Variants in KDM5A observed in about 807,000 individuals in gnomAD.
KDM5A encodes the protein lysine-specific demethylase 5A.
In KDM5A, 42 loss-of-function variants were observed where a neutral mutation model predicts 193.5. The ratio of observed to expected loss-of-function variants is 0.22; its 90% CI spans 0.17 to 0.28. KDM5A has a LOEUF of 0.28. Ranked by LOEUF, KDM5A falls within the 10% of genes least tolerant of loss-of-function variation. The pLI is 1.00. For synonymous variants in KDM5A, 796 were observed against 718.1 expected (o/e 1.11, Z -1.73); for missense variants, 1,692 against 2,055.1 (o/e 0.82, Z 3.42).
intron 19 of KDM5A, among the ~76,000 whole-genome samples, chr12:317,848 C>T (rs1192434920): frequency 6.6e-6 from 1 of 152,206 alleles, no homozygotes; most frequent in African/African-American, 2.4e-5. Context: ...TGACCTGCAC[C>T]TCTCCGGGAG....
chr12:282,400 G>A lies in KDM5A; in HGVS notation c.*3056C>T. ...TGCAATAATTTATAATTTTACTGAG[G>A]CACAAATTTGAATCATGCAGGCAAA... On this transcript the variant is annotated 3_prime_UTR_variant, in exon 28 of 28. Transcript: ENST00000399788. The A allele has an allele frequency of 4.3e-6, 1 of 233,214 alleles. No individual in the cohort carries two copies. The highest frequency in any genetic ancestry group is 8.5e-6 in the Non-Finnish European group (1 of 118,024). The allele number at this position is 233,214 out of a possible 1,614,324, so 14.4% of individuals were successfully genotyped here.
intron 13 of KDM5A, 90 bp downstream of exon 13, chr12:331,729 G>A: frequency 1.4e-6 from 2 of 1,468,798 alleles, no homozygotes; most frequent in Non-Finnish European, 1.9e-6. Flanking sequence ...ACCCGACCCT[G>A]AGCCCAGCTA....
At chr12:312,947 G>C (rs1943607011) in intron 20 of KDM5A, 109 bp downstream of exon 20, 3 of 1,205,696 alleles carry the variant, frequency 2.5e-6, no homozygotes, top group Non-Finnish European at 3.7e-6. Flanking sequence ...ATCTAAGTTA[G>C]GGATCGTTTG....
Position 354,006 on chromosome 12 carries a change from T to G in KDM5A, c.1029+70A>C, listed in dbSNP as rs1944197015. ...AAGGAAACATATTTGGGAATATGTT[T>G]ATATGTAGGTGTATATGCATGTATT... On this transcript the variant is annotated intron_variant, in intron 8 of 27. Coordinates refer to ENST00000399788, the MANE Select transcript of KDM5A (RefSeq NM_001042603.3). 3 of 1,114,258 alleles carry G rather than the reference T, an allele frequency of 2.7e-6. No homozygotes were observed. In the South Asian group the frequency reaches 3.8e-5, roughly 14 times the overall value. The allele number at this position is 1,114,258 out of a possible 1,614,324, so 69.0% of individuals were successfully genotyped here.
chr12:351,487 C>G (rs1944158560), intron 9 of KDM5A, among the ~76,000 whole-genome samples: 1 of 152,066 alleles, frequency 6.6e-6, no homozygotes, highest in Non-Finnish European at 1.5e-5. Flanking sequence ...GGTTTCAAGT[C>G]TTTAAAGCAA....
chr12:293,218 A>G, intron 26 of KDM5A, 49 bp from the exon 27 acceptor site: 1 of 1,506,152 alleles, frequency 6.6e-7, no homozygotes, highest in South Asian at 1.1e-5. Flanking sequence ...ACAGTTAAAA[A>G]ACAGTATTAC....
In KDM5A at chr12:318,395, C is replaced by A; in HGVS notation, c.2608G>T (p.Asp870Tyr). Residue 870 changes from aspartate (D) to tyrosine (Y), a missense_variant, in exon 19 of 28, where the codon GAT becomes TAT. Physicochemically the swap from Asp to Tyr is radical, Grantham distance 160 (BLOSUM62 -3). Coordinates refer to ENST00000399788, the MANE Select transcript of KDM5A (RefSeq NM_001042603.3). ...AQEAMMDETP[D>Y]SSKLQMLIDM... is the part of the protein sequence containing the mutation. The stretch of plus-strand genomic sequence containing the variant: ...ATCAACATCTGGAGTTTGGAAGAAT[C>A]TGGGGTTTCATCCATCATGGCCTCC... 3.1e-6 allele frequency: 5 copies of A among 1,614,154 alleles called. No homozygotes were observed. Among genetic ancestry groups the A allele is most frequent in the Non-Finnish European group, 4.2e-6 (5 of 1,180,006 alleles).
intron 3 of KDM5A, among the ~76,000 whole-genome samples, chr12:382,886 C>G (rs1238134703): frequency 2.6e-5 from 4 of 151,494 alleles, no homozygotes; most frequent in Non-Finnish European, 5.9e-5. Context: ...GAGCCAAGAT[C>G]AGGCCATTGC....
At chr12:357,848 A>AAAAAAAAAAAAAAAAAG (rs1944246211) in intron 5 of KDM5A, among the ~76,000 whole-genome samples, 1 of 148,444 alleles carries the variant, frequency 6.7e-6, no homozygotes, top group African/African-American at 2.5e-5. Flanking sequence ...AAAAAAAAAA[A>AAAAAAAAAAAAAAAAAG]AAAAAAGCCC....
chr12:303,299 C>T (rs1178541007), intron 24 of KDM5A, among the ~76,000 whole-genome samples: 1 of 152,144 alleles, frequency 6.6e-6, no homozygotes, highest in East Asian at 1.9e-4. Flanking sequence ...GAAGAAAATG[C>T]AGCACATATA....
intron 13 of KDM5A, among the ~76,000 whole-genome samples, chr12:331,541 G>C (rs1175641259): frequency 2.0e-5 from 3 of 152,124 alleles, no homozygotes; most frequent in South Asian, 4.1e-4. Flanking sequence ...GAAGGAAATG[G>C]GGGAAGGGGA....
At chr12:345,483 C>T (rs970417848) in intron 10 of KDM5A, among the ~76,000 whole-genome samples, 1 of 152,044 alleles carries the variant, frequency 6.6e-6, no homozygotes, top group African/African-American at 2.4e-5. Context: ...CAGCACATTG[C>T]ACTTATTCTA....
intron 3 of KDM5A, among the ~76,000 whole-genome samples, chr12:373,899 T>A (rs935572973): frequency 3.9e-5 from 6 of 152,202 alleles, no homozygotes; most frequent in Non-Finnish European, 8.8e-5. Flanking sequence ...TTTGAGTGAG[T>A]TTGTTAATCC....
intron 3 of KDM5A, among the ~76,000 whole-genome samples, chr12:369,097 T>C (rs927930736): frequency 2.6e-5 from 4 of 152,212 alleles, no homozygotes; most frequent in Non-Finnish European, 4.4e-5. Flanking sequence ...CACAAATTCA[T>C]ATGCACAAGA....
chr12:322,938 A>G, intron 16 of KDM5A, 144 bp downstream of exon 16: 1 of 1,048,242 alleles, frequency 9.5e-7, no homozygotes, highest in African/African-American at 1.6e-5. Context: ...AATTAAGTCT[A>G]TATTCAATCA....
intron 24 of KDM5A, among the ~76,000 whole-genome samples, chr12:304,412 G>A (rs938238617): frequency 2.0e-5 from 3 of 146,980 alleles, no homozygotes; most frequent in African/African-American, 5.0e-5. Context: ...TACAATTATC[G>A]CTTGCTCTGT....
At chr12:350,599 A>G (rs776667672) in intron 10 of KDM5A, 22 bp downstream of exon 10, 1 of 1,612,218 alleles carries the variant, frequency 6.2e-7, no homozygotes, top group Non-Finnish European at 8.5e-7. Flanking sequence ...GGGGGTAAGC[A>G]AAAGTTTGGA....
intron 24 of KDM5A, among the ~76,000 whole-genome samples, chr12:298,395 C>A (rs900392181): frequency 1.3e-5 from 2 of 152,226 alleles, no homozygotes; most frequent in Non-Finnish European, 2.9e-5. Flanking sequence ...TGGCGATACC[C>A]AGGCAAACAA....
At chr12:291,531 A>C (rs1943293912) in intron 27 of KDM5A, among the ~76,000 whole-genome samples, 1 of 152,212 alleles carries the variant, frequency 6.6e-6, no homozygotes, top group South Asian at 2.1e-4. Context: ...TAAAATGAGC[A>C]GCCTGAACAA....
Sources: allele counts gnomAD v4.1 joint callset (sites outside exome capture counted in the v4.1 genomes callset), GRCh38; gene constraint gnomAD v4.1.1; transcripts MANE v1.5; gene names NCBI Gene and HGNC (gene_info 2026-07-23, HGNC 2026-07-21).